CCDC141: variants seen among roughly 807,000 people sequenced by gnomAD.
CCDC141 encodes the protein coiled-coil domain-containing protein 141.
CCDC141 carries 168 observed loss-of-function variants against 181.0 expected under a neutral mutation model. The ratio of observed to expected loss-of-function variants is 0.93; its 90% CI spans 0.82 to 1.05. CCDC141 has a LOEUF of 1.05. Ranked by LOEUF, CCDC141 falls within the 50% of genes least tolerant of loss-of-function variation. The pLI is 0.00. For missense variants in CCDC141, 1,902 were observed against 1,788.5 expected (o/e 1.06, Z -1.14); for synonymous variants, 666 against 642.3 (o/e 1.04, Z -0.56).
the CCDC141 span, among the ~76,000 whole-genome samples, chr2:178,817,960 G>A: frequency 6.6e-6 from 1 of 151,974 alleles, no homozygotes; most frequent in African/African-American, 2.4e-5. Context: ...CCGCCACCAT[G>A]CCTGCCTAAT....
rs116527795 is a variant in CCDC141 at position 179,012,804 on chromosome 2, G to T, written c.226-34129C>A. Among the ~76,000 whole-genome samples the T allele has an allele frequency of 8.8e-3, 1,343 of 152,224 alleles. 18 individuals are homozygous for T. Among genetic ancestry groups the T allele is most frequent in the African/African-American group, 0.03 (1,242 of 41,520 alleles). On this transcript the variant is annotated intron_variant, in intron 2 of 23. Transcript: ENST00000443758. ...GTTTCATACCAGGGATGCAGGGATA[G>T]CTTAACATATGCAAGTCAATAAATG...
intron 2 of CCDC141, among the ~76,000 whole-genome samples, chr2:178,993,833 G>A (rs1250462748): frequency 6.6e-6 from 1 of 152,138 alleles, no homozygotes; most frequent in African/African-American, 2.4e-5. Context: ...AGGATAAATT[G>A]GCCAAAATAA....
chr2:178,874,923 CAG>C (rs1339635290), intron 12 of CCDC141: 1 of 152,170 alleles, frequency 6.6e-6, no homozygotes, highest in African/African-American at 2.4e-5. Flanking sequence ...CTCTGAAAAG[CAG>C]AGTGGAGTTT....
chr2:178,980,285 T>A (rs1398902249), intron 2 of CCDC141, among the ~76,000 whole-genome samples: 1 of 151,942 alleles, frequency 6.6e-6, no homozygotes, highest in Non-Finnish European at 1.5e-5. Context: ...CCATCTCTAC[T>A]ACAAATCCAA....
At chr2:178,927,727 G>A (rs1688962884) in intron 6 of CCDC141, among the ~76,000 whole-genome samples, 1 of 152,130 alleles carries the variant, frequency 6.6e-6, no homozygotes, top group Non-Finnish European at 1.5e-5. Context: ...AGAAAAATGA[G>A]TTATTAAGAA....
intron 6 of CCDC141, among the ~76,000 whole-genome samples, chr2:178,935,636 G>A (rs1689255704): frequency 6.6e-6 from 1 of 152,030 alleles, no homozygotes; most frequent in South Asian, 2.1e-4. Context: ...CTGGGTATAT[G>A]CCCAGTAATG....
At chr2:178,836,773 G>T (rs777742778) in intron 23 of CCDC141, 121 bp downstream of exon 23, 5 of 1,048,018 alleles carry the variant, frequency 4.8e-6, no homozygotes, top group Non-Finnish European at 6.9e-6. Context: ...ATCATGCAGA[G>T]TTGCAGTGTC....
At chr2:179,005,314 T>A (rs200990201) in intron 2 of CCDC141, among the ~76,000 whole-genome samples, 76 of 150,770 alleles carry the variant, frequency 5.0e-4, no homozygotes, top group African/African-American at 1.5e-3. Context: ...TTGGAGAATT[T>A]AAAAAAAAAG....
intron 8 of CCDC141, among the ~76,000 whole-genome samples, chr2:178,890,797 A>G (rs1687111219): frequency 6.6e-6 from 1 of 152,188 alleles, no homozygotes; most frequent in Non-Finnish European, 1.5e-5. Flanking sequence ...GTACAGTGTC[A>G]TGGGAAATAT....
At chr2:178,870,448 A>G (rs1686067015) in intron 14 of CCDC141, among the ~76,000 whole-genome samples, 1 of 152,158 alleles carries the variant, frequency 6.6e-6, no homozygotes, top group Non-Finnish European at 1.5e-5. Context: ...GAGGTGTGAC[A>G]ATGGTCCTGA....
intron 8 of CCDC141, among the ~76,000 whole-genome samples, chr2:178,896,893 T>C (rs1687434619): frequency 6.6e-6 from 1 of 152,172 alleles, no homozygotes; most frequent in Non-Finnish European, 1.5e-5. Flanking sequence ...TTTGCCATTA[T>C]TGCCAATGAG....
intron 4 of CCDC141, among the ~76,000 whole-genome samples, chr2:178,963,090 A>G (rs964533694): frequency 1.3e-5 from 2 of 152,218 alleles, no homozygotes; most frequent in Non-Finnish European, 2.9e-5. Flanking sequence ...TGGCACAGGA[A>G]ATTTGCAATC....
intron 2 of CCDC141, among the ~76,000 whole-genome samples, chr2:178,981,810 T>C (rs1014190325): frequency 2.7e-5 from 4 of 148,124 alleles, no homozygotes; most frequent in Non-Finnish European, 6.0e-5. Context: ...AGAGGAGGAA[T>C]CAATAAAATG....
Position 178,832,501 on chromosome 2 carries a change from AG to A in CCDC141, c.*1671del, listed in dbSNP as rs1176048773. On this transcript the variant is annotated 3_prime_UTR_variant, in exon 24 of 24. Coordinates refer to ENST00000443758, the MANE Select transcript of CCDC141 (RefSeq NM_173648.4). ...AAAAAAAACAAAAAAAACAAAAAAA[AG>A]ATAGTTAAGAGAAATTTCCTAGAAT... is the stretch of plus-strand genomic sequence containing the variant. The A allele has an allele frequency of 1.3e-5, 2 of 151,512 alleles. No homozygotes were observed. Among genetic ancestry groups the A allele is most frequent in the Non-Finnish European group, 2.9e-5 (2 of 67,924 alleles). The allele number at this position is 151,512 out of a possible 1,614,324, so 9.4% of individuals were successfully genotyped here.
intron 2 of CCDC141, among the ~76,000 whole-genome samples, chr2:179,016,626 TA>T (rs1414232940): frequency 6.6e-6 from 1 of 152,140 alleles, no homozygotes; most frequent in Admixed American, 6.6e-5. Context: ...TTTTACTAAC[TA>T]TTGAGTGAAC....
intron 3 of CCDC141, among the ~76,000 whole-genome samples, chr2:178,978,164 T>G (rs578021621): frequency 6.6e-6 from 1 of 152,318 alleles, no homozygotes; most frequent in African/African-American, 2.4e-5. Flanking sequence ...CAGGTAATTG[T>G]TTGATTTAGT....
chr2:179,045,228 G>T (rs1393365672), intron 2 of CCDC141, among the ~76,000 whole-genome samples: 1 of 142,560 alleles, frequency 7.0e-6, no homozygotes, highest in East Asian at 2.1e-4. Context: ...TGTTCTCATT[G>T]TTCAATTCCC....
At chr2:178,900,438 A>C (rs1687629783) in intron 8 of CCDC141, among the ~76,000 whole-genome samples, 1 of 152,178 alleles carries the variant, frequency 6.6e-6, no homozygotes, top group African/African-American at 2.4e-5. Context: ...TGACATTTAA[A>C]CTTAACTTCT....
intron 6 of CCDC141, among the ~76,000 whole-genome samples, chr2:178,927,587 A>G (rs1160792643): frequency 1.3e-5 from 2 of 152,026 alleles, no homozygotes; most frequent in Non-Finnish European, 2.9e-5. Context: ...AGAGCAATGG[A>G]GCTAATGGTG....
Sources: allele counts gnomAD v4.1 joint callset (sites outside exome capture counted in the v4.1 genomes callset), GRCh38; gene constraint gnomAD v4.1.1; transcripts MANE v1.5; gene names NCBI Gene and HGNC (gene_info 2026-07-23, HGNC 2026-07-21).